The following UBE2H variants were observed in gnomAD, a reference collection of about 807,000 sequenced individuals.
UBE2H encodes the protein ubiquitin-conjugating enzyme E2 H.
UBE2H carries 3 observed loss-of-function variants against 29.0 expected under a neutral mutation model. The ratio of observed to expected loss-of-function variants is 0.10; its 90% CI spans 0.05 to 0.27. The LOEUF (loss-of-function observed/expected upper bound fraction) is 0.27. Among genes scored for constraint, UBE2H ranks in the 10% least tolerant of loss-of-function variants. The pLI is 1.00. For synonymous variants in UBE2H, 69 were observed against 82.9 expected, an observed-to-expected ratio of 0.83 and a Z score of 0.91; for missense variants, 68 against 228.2, an observed-to-expected ratio of 0.30 and a Z score of 4.52.
chr7:129,942,771 G>A (rs1807673627), intron 1 of UBE2H, among the ~76,000 whole-genome samples: 1 of 151,294 alleles, frequency 6.6e-6, no homozygotes, highest in Admixed American at 6.6e-5. Flanking sequence ...TATTCACAAA[G>A]ATATAGAGCC....
At chr7:129,934,708 T>C (rs1434631392) in intron 1 of UBE2H, among the ~76,000 whole-genome samples, 1 of 149,888 alleles carries the variant, frequency 6.7e-6, no homozygotes, top group Non-Finnish European at 1.5e-5. Context: ...GGTTTTCTCA[T>C]TTAAAGGAGT....
Position 129,896,989 on chromosome 7 carries a change from A to G in UBE2H, c.54-16018T>C, listed in dbSNP as rs569802111. On this transcript the variant is annotated intron_variant, in intron 1 of 6. Coordinates refer to ENST00000355621, the MANE Select transcript of UBE2H (RefSeq NM_003344.4). ...ACCCATTCAGCAGATAAAGATGATC[A>G]AAGTGTGAATAATGGATCATAAAAA... Among the ~76,000 whole-genome samples, 284 of 152,346 alleles carry G rather than the reference A, an allele frequency of 1.9e-3. 2 individuals are homozygous for G. The highest frequency in any genetic ancestry group is 0.014 in the Middle Eastern group (4 of 294).
intron 1 of UBE2H, among the ~76,000 whole-genome samples, chr7:129,924,977 T>C (rs1430267858): frequency 1.3e-5 from 2 of 152,104 alleles, no homozygotes; most frequent in African/African-American, 4.8e-5. Context: ...TAACTTTTTG[T>C]TTTCCTTTAA....
chr7:129,949,518 G>A (rs1320705990), intron 1 of UBE2H, among the ~76,000 whole-genome samples: 1 of 152,142 alleles, frequency 6.6e-6, no homozygotes, highest in Non-Finnish European at 1.5e-5. Flanking sequence ...CAAAGGATCA[G>A]AAGAGAAACA....
intron 1 of UBE2H, among the ~76,000 whole-genome samples, chr7:129,893,591 AAT>A (rs1806543530): frequency 6.6e-6 from 1 of 152,212 alleles, no homozygotes; most frequent in Non-Finnish European, 1.5e-5. Context: ...AGAGCAAGGA[AAT>A]ATAGTCAAAA....
intron 1 of UBE2H, among the ~76,000 whole-genome samples, chr7:129,895,555 C>G (rs185282012): frequency 3.9e-4 from 60 of 152,164 alleles, no homozygotes; most frequent in Admixed American, 3.9e-3. Flanking sequence ...CTAATGAAAA[C>G]ATCTATTTAT....
intron 1 of UBE2H, among the ~76,000 whole-genome samples, chr7:129,941,486 A>G (rs920821213): frequency 1.3e-5 from 2 of 152,148 alleles, no homozygotes; most frequent in African/African-American, 4.8e-5. Context: ...CTGAATACCA[A>G]AACAGTCTAC....
chr7:129,874,362 T>C (rs942881009), intron 3 of UBE2H, among the ~76,000 whole-genome samples: 3 of 150,740 alleles, frequency 2.0e-5, no homozygotes, highest in Non-Finnish European at 4.4e-5. Flanking sequence ...CAGGCTGGAG[T>C]GCAGTGGCAC....
At chr7:129,906,064 T>G (rs961272450) in intron 1 of UBE2H, among the ~76,000 whole-genome samples, 1 of 152,128 alleles carries the variant, frequency 6.6e-6, no homozygotes, top group Non-Finnish European at 1.5e-5. Flanking sequence ...CATTTGGCCA[T>G]CCAAGACCAG....
At chr7:129,846,915 T>A (rs1455036701) in intron 5 of UBE2H, among the ~76,000 whole-genome samples, 1 of 152,198 alleles carries the variant, frequency 6.6e-6, no homozygotes, top group Non-Finnish European at 1.5e-5. Flanking sequence ...GGGAAAGACA[T>A]CAGCATCCTG....
At chr7:129,936,123 T>C (rs946020585) in intron 1 of UBE2H, among the ~76,000 whole-genome samples, 1 of 152,220 alleles carries the variant, frequency 6.6e-6, no homozygotes, top group Non-Finnish European at 1.5e-5. Context: ...CTTTAAATAA[T>C]AAGATGCCAT....
rs549675766 is a variant in UBE2H, at chr7:129,946,592, A to T, written c.53+5911T>A. ...CCCCACCCTAGACCCAATGAATTAG[A>T]AAACTCCAGGAGTGGTATGCAGTAA... On this transcript the variant is annotated intron_variant, in intron 1 of 6. Transcript: ENST00000355621. Among the ~76,000 whole-genome samples, 8 of 152,286 alleles carry T rather than the reference A, an allele frequency of 5.3e-5. No individual in the cohort carries two copies. The East Asian group carries it at 1.5e-3, about 29-fold the overall frequency.
chr7:129,875,319 G>A (rs189872729), intron 3 of UBE2H, among the ~76,000 whole-genome samples: 1 of 152,126 alleles, frequency 6.6e-6, no homozygotes, highest in Admixed American at 6.5e-5. Context: ...CTTCAAAGAG[G>A]TGTTAAAACA....
intron 1 of UBE2H, among the ~76,000 whole-genome samples, chr7:129,890,268 TA>T (rs149170247): frequency 0.063 from 9,487 of 151,782 alleles, 363 homozygotes; most frequent in Non-Finnish European, 0.091. Flanking sequence ...CACGTATATA[TA>T]CACACGTATA....
At chr7:129,835,209 C>G in intron 6 of UBE2H, 148 bp from the exon 7 acceptor site, 1 of 1,198,790 alleles carries the variant, frequency 8.3e-7, no homozygotes. Context: ...ATCACTACAG[C>G]TAAGGAGAAT....
At chr7:129,912,638 G>A (rs1191894373) in intron 1 of UBE2H, among the ~76,000 whole-genome samples, 1 of 152,190 alleles carries the variant, frequency 6.6e-6, no homozygotes, top group Non-Finnish European at 1.5e-5. Flanking sequence ...TTCCACTTGT[G>A]TTACGTAGGT....
At chr7:129,937,750 G>T (rs1364708951) in intron 1 of UBE2H, among the ~76,000 whole-genome samples, 1 of 152,086 alleles carries the variant, frequency 6.6e-6, no homozygotes, top group African/African-American at 2.4e-5. Context: ...TAACTCAAAA[G>T]AAAGGTATTT....
At chr7:129,938,867 C>T (rs577768677) in intron 1 of UBE2H, among the ~76,000 whole-genome samples, 15 of 151,634 alleles carry the variant, frequency 9.9e-5, no homozygotes, top group Middle Eastern at 3.4e-3. Flanking sequence ...GATGCGATCT[C>T]GGCTCCCTGC....
At chr7:129,920,461 T>G (rs1807134854) in intron 1 of UBE2H, among the ~76,000 whole-genome samples, 1 of 152,062 alleles carries the variant, frequency 6.6e-6, no homozygotes, top group South Asian at 2.1e-4. Flanking sequence ...CACATATAAC[T>G]CAATATAAAT....
Sources: gnomAD v4.1 joint callset for allele counts (sites outside exome capture counted in the v4.1 genomes callset) on GRCh38, gnomAD v4.1.1 for gene constraint, MANE v1.5 for transcripts, NCBI Gene and HGNC (gene_info 2026-07-23, HGNC 2026-07-21) for gene names.